Variants in LOC400499 observed in about 807,000 individuals in gnomAD.
At chr16:11,460,562 C>T in the LOC400499 span, 103 of 1,535,518 alleles carry the variant, frequency 6.7e-5, no homozygotes, top group African/African-American at 5.9e-4. Flanking sequence ...ACTGTCTGCC[C>T]GCAGCTTCTG....
chr16:11,414,815 C>G, the LOC400499 span, among the ~76,000 whole-genome samples: 2 of 152,200 alleles, frequency 1.3e-5, no homozygotes, highest in Admixed American at 6.5e-5. Context: ...GAAGTCCCTC[C>G]CAGTCCTTGG....
At chr16:11,471,949 C>G in the LOC400499 span, 1 of 397,508 alleles carries the variant, frequency 2.5e-6, no homozygotes, top group Non-Finnish European at 4.4e-6. Flanking sequence ...ACCATGTAGA[C>G]AGGACTCCTG....
At chr16:11,383,212 C>T in the LOC400499 span, among the ~76,000 whole-genome samples, 1 of 152,026 alleles carries the variant, frequency 6.6e-6, no homozygotes, top group Admixed American at 6.5e-5. Flanking sequence ...ACTACAGGCG[C>T]CCGCAACCAT....
chr16:11,502,224 G>A, the LOC400499 span: 69 of 398,824 alleles, frequency 1.7e-4, no homozygotes, highest in African/African-American at 1.3e-3. Flanking sequence ...GCAGTGCGGG[G>A]GATCCCCGAA....
the LOC400499 span, chr16:11,469,314 G>A: frequency 7.8e-4 from 311 of 399,256 alleles, 1 homozygote; most frequent in Admixed American, 2.0e-3. Flanking sequence ...TGGCCCCTCC[G>A]TCCCCCTGGG....
the LOC400499 span, among the ~76,000 whole-genome samples, chr16:11,425,950 A>C: frequency 2.0e-5 from 3 of 152,212 alleles, no homozygotes; most frequent in African/African-American, 7.2e-5. Context: ...CTTTCTTAAC[A>C]AAGTATTAGG....
At chr16:11,486,290 GATGGATGA>G in the LOC400499 span, among the ~76,000 whole-genome samples, 6 of 82,076 alleles carry the variant, frequency 7.3e-5, no homozygotes, top group East Asian at 3.6e-4. Flanking sequence ...TGGATGGATG[GATGGATGA>G]ATGGTACATG....
the LOC400499 span, among the ~76,000 whole-genome samples, chr16:11,464,025 G>C: frequency 6.6e-6 from 1 of 152,214 alleles, no homozygotes; most frequent in Non-Finnish European, 1.5e-5. Context: ...ATTTGGATGT[G>C]TGTGAATATG....
the LOC400499 span, among the ~76,000 whole-genome samples, chr16:11,516,774 T>C: frequency 1.8e-4 from 27 of 152,044 alleles, no homozygotes; most frequent in African/African-American, 6.3e-4. Context: ...GCCTCCCAAA[T>C]GGCTGGGACC....
chr16:11,476,470 C>T, the LOC400499 span, among the ~76,000 whole-genome samples: 24 of 152,158 alleles, frequency 1.6e-4, no homozygotes, highest in South Asian at 2.1e-4. Context: ...TGGACACACA[C>T]GCACTCCCAC....
the LOC400499 span, among the ~76,000 whole-genome samples, chr16:11,376,495 T>C: frequency 6.6e-6 from 1 of 152,238 alleles, no homozygotes; most frequent in South Asian, 2.1e-4. Flanking sequence ...TTGAAATCAT[T>C]TGACCACATG....
chr16:11,462,067 C>G, the LOC400499 span: 1 of 1,407,776 alleles, frequency 7.1e-7, no homozygotes, highest in East Asian at 2.7e-5. Flanking sequence ...GGCCACCACA[C>G]CCTAACCTGG....
chr16:11,523,633 A>G, the LOC400499 span: 3 of 393,232 alleles, frequency 7.6e-6, no homozygotes, highest in Non-Finnish European at 1.3e-5. Context: ...GGAGGGCCAC[A>G]AAGACTGGAA....
At chr16:11,464,611 G>A in the LOC400499 span, among the ~76,000 whole-genome samples, 1 of 152,184 alleles carries the variant, frequency 6.6e-6, no homozygotes, top group Non-Finnish European at 1.5e-5. Context: ...TCGTATTCAT[G>A]AGCTCATCTG....
the LOC400499 span, chr16:11,435,525 C>T: frequency 5.0e-6 from 2 of 397,802 alleles, no homozygotes; most frequent in Non-Finnish European, 8.8e-6. Context: ...TCAGTGGCAC[C>T]AATGGGGCTG....
At chr16:11,419,200 T>C in the LOC400499 span, among the ~76,000 whole-genome samples, 2 of 151,616 alleles carry the variant, frequency 1.3e-5, no homozygotes, top group South Asian at 4.2e-4. Context: ...AAAAAAAATA[T>C]ACTACAAGGC....
the LOC400499 span, chr16:11,450,724 G>A: frequency 5.9e-6 from 9 of 1,536,142 alleles, no homozygotes; most frequent in South Asian, 2.4e-5. Context: ...CTTGCCCAGC[G>A]TTAGCTCCAG....
the LOC400499 span, among the ~76,000 whole-genome samples, chr16:11,375,694 A>T: frequency 6.8e-6 from 1 of 147,150 alleles, no homozygotes; most frequent in African/African-American, 2.5e-5. Context: ...CCATTTGCAT[A>T]TCTTATTTGG....
chr16:11,513,997 G>A, the LOC400499 span, among the ~76,000 whole-genome samples: 10 of 152,134 alleles, frequency 6.6e-5, no homozygotes, highest in Non-Finnish European at 1.3e-4. Flanking sequence ...AAGTCCCAGG[G>A]AATGCTATGT....
Sources: gnomAD v4.1 joint callset for allele counts (sites outside exome capture counted in the v4.1 genomes callset) on GRCh38, gnomAD v4.1.1 for gene constraint, MANE v1.5 for transcripts.